TMEM59L: variants seen among roughly 807,000 people sequenced by gnomAD.
The protein encoded by TMEM59L is transmembrane protein 59-like.
Under a neutral mutation model 39.6 loss-of-function variants are expected in TMEM59L, and 31 were observed. The ratio of observed to expected loss-of-function variants is 0.78; its 90% confidence interval spans 0.59 to 1.06. TMEM59L has a LOEUF of 1.06. Ranked by LOEUF, TMEM59L falls within the 50% of genes least tolerant of loss-of-function variation. TMEM59L has a pLI of 0.00. For missense variants in TMEM59L, 441 were observed against 451.3 expected (o/e 0.98, Z 0.21); for synonymous variants, 219 against 202.9 (o/e 1.08, Z -0.68).
At chr19:18,613,828 T>G (rs1244130103) in intron 1 of TMEM59L, 44 bp from the exon 2 acceptor site, 9 of 898,536 alleles carry the variant, frequency 1.0e-5, no homozygotes, top group Non-Finnish European at 1.5e-5. Flanking sequence ...ACCCTCCTCC[T>G]GCCCCTCCCC....
chr19:18,618,416 T>C lies in TMEM59L; in HGVS notation c.824T>C (p.Phe275Ser). 1.2e-6 allele frequency: 2 copies of C among 1,608,126 alleles called. No homozygotes were observed. The highest frequency in any genetic ancestry group is 1.7e-6 in the Non-Finnish European group (2 of 1,179,236). The change falls in exon 7 of 8, where the codon TTC (phenylalanine) becomes TCC (serine). Residue 275 changes from phenylalanine (F) to serine (S), a missense_variant. Phe to Ser is a radical substitution (Grantham distance 155). Coordinates refer to ENST00000262817, the MANE Select transcript of TMEM59L (RefSeq NM_012109.3). ...LPRWILACCL[F>S]LSVLVMLWLS... ...CGCTGGATCCTGGCCTGCTGCCTCT[T>C]CCTCTCCGTGCTGGTGATGCTGTGG...
chr19:18,613,700 C>T (rs1203439693), intron 1 of TMEM59L, among the ~76,000 whole-genome samples, 172 bp from the exon 2 acceptor site: 2 of 152,192 alleles, frequency 1.3e-5, no homozygotes, highest in African/African-American at 4.8e-5. Flanking sequence ...TCTCCCTCCT[C>T]AGAGCTAAGA....
rs961988508 is a variant in TMEM59L, at chr19:18,620,731, C to T, written c.*195C>T. On this transcript the variant is annotated 3_prime_UTR_variant, in exon 8 of 8. Transcript: ENST00000262817. ...GCCCCAGCTGGGAAGAGGGCGGGAT[C>T]GGGCACTGGTTCCTCCTTGTCCCCG... 7.2e-5 allele frequency: 51 copies of T among 711,434 alleles called. No individual in the cohort carries two copies. Among genetic ancestry groups the T allele is most frequent in the Admixed American group, 1.0e-4 (3 of 29,540 alleles). The allele number at this position is 711,434 out of a possible 1,614,324, so 44.1% of individuals were successfully genotyped here.
At position 18,620,515 on chromosome 19, in the gene TMEM59L, G is replaced by C; in HGVS notation, c.1008G>C (p.Lys336Asn). 6.2e-7 allele frequency: 1 copy of C among 1,613,768 alleles called. No homozygotes were observed. The highest frequency in any genetic ancestry group is 1.1e-5 in the South Asian group (1 of 91,080). The change falls in exon 8 of 8, where the codon AAG becomes AAC. Residue 336 changes from lysine (K) to asparagine (N), a missense_variant. Lys to Asn is a moderately conservative substitution (Grantham distance 94). Coordinates refer to ENST00000262817, the MANE Select transcript of TMEM59L (RefSeq NM_012109.3). ...ACAGCCTACCACCCTACAAGCTGAA[G>C]CTGGACCTGACCAAGCTGTAGGCCT... ...CEDSLPPYKL[K>N]LDLTKL
At chr19:18,616,638 C>A (rs546209861) in intron 4 of TMEM59L, among the ~76,000 whole-genome samples, 1 of 152,174 alleles carries the variant, frequency 6.6e-6, no homozygotes, top group Non-Finnish European at 1.5e-5. Flanking sequence ...GGTGTTTCAC[C>A]TGCCTCGGCC....
chr19:18,620,473 G>C lies in TMEM59L; in HGVS notation c.966G>C (p.Pro322=). ...MEPDWPLYPP[P]SHACEDSLPP... ...CCGATTGGCCCCTGTACCCGCCGCCGTCCCACGCCTGTGAGGACAGCCTAC... is the reference window on the plus strand; with the variant it reads ...CCGATTGGCCCCTGTACCCGCCGCCCTCCCACGCCTGTGAGGACAGCCTAC... The change falls in exon 8 of 8, where the codon CCG becomes CCC. Residue 322 remains proline, a synonymous_variant. Coordinates refer to ENST00000262817, the MANE Select transcript of TMEM59L (RefSeq NM_012109.3). 6.2e-7 allele frequency: 1 copy of C among 1,613,636 alleles called. No individual in the cohort carries two copies. Among genetic ancestry groups the C allele is most frequent in the Non-Finnish European group, 8.5e-7 (1 of 1,179,968 alleles).
chr19:18,617,567 C>G (rs1335110005), intron 5 of TMEM59L: 1 of 458,124 alleles, frequency 2.2e-6, no homozygotes, highest in Non-Finnish European at 4.4e-6. Flanking sequence ...TCTCAGAGTT[C>G]CATGGGTTCA....
rs1976486624 is a variant in TMEM59L at position 18,620,644 on chromosome 19, C to T, written c.*108C>T. 1.4e-6 allele frequency: 2 copies of T among 1,410,202 alleles called. No homozygotes were observed. The highest frequency in any genetic ancestry group is 2.6e-5 in the Admixed American group (1 of 37,946). 87.4% of individuals were successfully genotyped at this position (1,410,202 alleles called of 1,614,324 possible). A position where few individuals can be genotyped will look rare whatever the true frequency, so the allele number is the denominator to read the frequency against. ...TGGGTCCAGCCTTGAGCCCCTCCAC[C>T]CCCAAATCCTTCCTCTCCTCCCAGT... On this transcript the variant is annotated 3_prime_UTR_variant, in exon 8 of 8. Transcript: ENST00000262817.
At chr19:18,620,118 A>C (rs1976478910) in intron 7 of TMEM59L, among the ~76,000 whole-genome samples, 1 of 151,714 alleles carries the variant, frequency 6.6e-6, no homozygotes, top group Admixed American at 6.6e-5. Context: ...CCTAGCCAAC[A>C]TAGTGAAACC....
Position 18,613,863 on chromosome 19 carries a change from C to A in TMEM59L, c.172-9C>A. ...CATGGCCTGAGCCCCCTGTCCTCCC[C>A]TCCCCCAGGCGGGGCTGGAGGGCGC... is the stretch of plus-strand genomic sequence containing the variant. On this transcript the variant is annotated splice_polypyrimidine_tract_variant and intron_variant, in intron 1 of 7. Transcript: ENST00000262817. The A allele has an allele frequency of 6.2e-7, 1 of 1,609,118 alleles. No individual in the cohort carries two copies. The highest frequency in any genetic ancestry group is 1.7e-5 in the Admixed American group (1 of 59,970).
chr19:18,616,176 G>T (rs1469129876), intron 4 of TMEM59L, 49 bp downstream of exon 4: 1 of 1,606,664 alleles, frequency 6.2e-7, no homozygotes, highest in South Asian at 1.1e-5. Flanking sequence ...GGGTGGGCAG[G>T]GTAAGAAGAT....
chr19:18,614,659 C>T (rs2145347797), intron 3 of TMEM59L, among the ~76,000 whole-genome samples: 1 of 152,354 alleles, frequency 6.6e-6, no homozygotes, highest in East Asian at 1.9e-4. Context: ...CTAAGCCCTT[C>T]CCCTGTGATG....
chr19:18,616,073 C>T lies in TMEM59L; in HGVS notation c.507C>T (p.Ser169=). 1.2e-6 allele frequency: 2 copies of T among 1,614,170 alleles called. No homozygotes were observed. The highest frequency in any genetic ancestry group is 2.2e-5 in the East Asian group (1 of 44,882). The part of the protein sequence containing the change: ...DLVNSAQGFV[S]STWTYYLQTD... ...TCAACTCAGCCCAGGGATTTGTCTC[C>T]TCCACCTGGACATACTACTTGCAGA... The change falls in exon 4 of 8, where the codon TCC becomes TCT. Residue 169 remains serine, a synonymous_variant. Transcript: ENST00000262817.
intron 5 of TMEM59L, 96 bp from the exon 6 acceptor site, chr19:18,618,059 C>A: frequency 2.3e-6 from 2 of 887,900 alleles, no homozygotes; most frequent in Non-Finnish European, 3.7e-6. Flanking sequence ...TTCCAGGACT[C>A]TATGCCCCAG....
chr19:18,613,532 T>A (rs1189493984), intron 1 of TMEM59L, among the ~76,000 whole-genome samples: 1 of 151,548 alleles, frequency 6.6e-6, no homozygotes, highest in Non-Finnish European at 1.5e-5. Context: ...TCAAGCCTGA[T>A]CTGCGTGTGA....
intron 4 of TMEM59L, 39 bp downstream of exon 4, chr19:18,616,166 G>A (rs760598799): frequency 5.6e-6 from 9 of 1,610,010 alleles, no homozygotes; most frequent in African/African-American, 5.3e-5. Context: ...AGTGGCAGAT[G>A]GGTGGGCAGG....
At chr19:18,613,849 C>T (rs1186180279) in intron 1 of TMEM59L, 23 bp from the exon 2 acceptor site, 2 of 1,598,886 alleles carry the variant, frequency 1.3e-6, no homozygotes, top group East Asian at 2.2e-5. Context: ...ATGGCCTGAG[C>T]CCCCTGTCCT....
At chr19:18,613,841 G>A in intron 1 of TMEM59L, 31 bp from the exon 2 acceptor site, 1 of 1,423,070 alleles carries the variant, frequency 7.0e-7, no homozygotes, top group South Asian at 1.2e-5. Flanking sequence ...CCCTCCCCAT[G>A]GCCTGAGCCC....
In TMEM59L at chr19:18,620,476, C is replaced by T. The variant is rs904312051; in HGVS notation, c.969C>T (p.Ser323=). ...ATTGGCCCCTGTACCCGCCGCCGTC[C>T]CACGCCTGTGAGGACAGCCTACCAC... The part of the protein sequence containing the change: ...EPDWPLYPPP[S]HACEDSLPPY... The change falls in exon 8 of 8, where the codon TCC becomes TCT. Residue 323 remains serine, a synonymous_variant. Coordinates refer to ENST00000262817, the MANE Select transcript of TMEM59L (RefSeq NM_012109.3). 11 of 1,613,648 alleles carry T rather than the reference C, an allele frequency of 6.8e-6. No homozygotes were observed. The highest frequency in any genetic ancestry group is 9.3e-6 in the Non-Finnish European group (11 of 1,179,986).
Sources: allele counts gnomAD v4.1 joint callset (sites outside exome capture counted in the v4.1 genomes callset), GRCh38; gene constraint gnomAD v4.1.1; transcripts MANE v1.5; gene names NCBI Gene and HGNC (gene_info 2026-07-23, HGNC 2026-07-21).